MAP3K20: variants seen among roughly 807,000 people sequenced by gnomAD.
The protein encoded by MAP3K20 is HCCS-4.
A neutral mutation model predicts 85.7 loss-of-function variants in MAP3K20; 40 were observed. The observed-to-expected ratio is 0.47, with a 90% CI of 0.36 to 0.61. MAP3K20 has a LOEUF of 0.61. Among genes scored for constraint, MAP3K20 ranks in the 20% least tolerant of loss-of-function variants. The pLI is 0.00. For missense variants in MAP3K20, 817 were observed against 961.7 expected (o/e 0.85, Z 1.99); for synonymous variants, 325 against 327.7 (o/e 0.99, Z 0.09).
chr2:173,118,148 C>T (rs1809139), intron 2 of MAP3K20, among the ~76,000 whole-genome samples: 24,508 of 152,208 alleles, frequency 0.16, 2,394 homozygotes, highest in South Asian at 0.32. Context: ...AGATTAATTA[C>T]GTTTCATCTC....
intron 2 of MAP3K20, among the ~76,000 whole-genome samples, chr2:173,140,159 G>A (rs938899415): frequency 1.7e-4 from 26 of 151,994 alleles, no homozygotes; most frequent in African/African-American, 5.5e-4. Context: ...TTACAGGCGC[G>A]TGCCACCATG....
At chr2:173,233,609 G>C (rs1684578240) in intron 14 of MAP3K20, among the ~76,000 whole-genome samples, 1 of 152,120 alleles carries the variant, frequency 6.6e-6, no homozygotes, top group South Asian at 2.1e-4. Flanking sequence ...AGTGTGTATA[G>C]GTTAGAAAGA....
chr2:173,147,705 G>A (rs1689175835), intron 2 of MAP3K20, among the ~76,000 whole-genome samples: 1 of 152,092 alleles, frequency 6.6e-6, no homozygotes, highest in Admixed American at 6.5e-5. Context: ...TCCTGCCTCG[G>A]CCTCCTGAGT....
At chr2:173,226,779 TTAAAATTTTTGTAC>T in intron 11 of MAP3K20, 1 of 985,308 alleles carries the variant, frequency 1.0e-6, no homozygotes, top group Middle Eastern at 5.2e-4. Flanking sequence ...TTTTGCACTC[TTAAAATTTTTGTAC>T]TAAATAATAG....
At chr2:173,093,218 G>A (rs960874694) in intron 2 of MAP3K20, among the ~76,000 whole-genome samples, 1 of 152,180 alleles carries the variant, frequency 6.6e-6, no homozygotes, top group African/African-American at 2.4e-5. Context: ...TTCTGGCTAG[G>A]TGTTTTCTAA....
At position 173,258,793 on chromosome 2, in the gene MAP3K20, C is replaced by T. The variant is rs748593233; in HGVS notation, c.1454C>T (p.Ala485Val). The stretch of plus-strand genomic sequence containing the variant: ...ACATTCAACACTAACCTACCTGATG[C>T]GGAGATTTTAAAGATGACAAAGGTA... Reference protein sequence around the residue: ...DVTFNTNLPDAEILKMTKPPF... With the variant: ...DVTFNTNLPDVEILKMTKPPF... The change falls in exon 17 of 20, where the codon GCG becomes GTG. Residue 485 changes from alanine (A) to valine (V), a missense_variant. By Grantham distance (64) the Ala-to-Val change is moderately conservative (BLOSUM62 0). Around this residue, in one of 4 missense-constraint regions of MAP3K20, gnomAD observed 454 missense variants for 476.9 expected, o/e 0.95. Transcript: ENST00000375213. 22 of 1,608,074 alleles carry T rather than the reference C, an allele frequency of 1.4e-5. No individual in the cohort carries two copies. In the Admixed American group the frequency reaches 2.0e-4, roughly 15 times the overall value.
intron 2 of MAP3K20, among the ~76,000 whole-genome samples, chr2:173,129,749 T>C (rs1285860954): frequency 6.6e-6 from 1 of 152,216 alleles, no homozygotes; most frequent in Non-Finnish European, 1.5e-5. Context: ...TATCTATACT[T>C]GACCTATTAA....
chr2:173,227,707 CTTCT>C (rs1171384669), intron 11 of MAP3K20, among the ~76,000 whole-genome samples: 7 of 152,098 alleles, frequency 4.6e-5, no homozygotes, highest in East Asian at 3.8e-4. Flanking sequence ...CAAAAAAATA[CTTCT>C]TTCTCAATTT....
At chr2:173,091,641 A>G (rs1438517222) in intron 2 of MAP3K20, among the ~76,000 whole-genome samples, 5 of 152,114 alleles carry the variant, frequency 3.3e-5, no homozygotes, top group African/African-American at 1.2e-4. Flanking sequence ...TTTAACTGAA[A>G]TATGCAGTAC....
intron 2 of MAP3K20, among the ~76,000 whole-genome samples, chr2:173,157,717 A>G (rs556022906): frequency 6.6e-6 from 1 of 152,316 alleles, no homozygotes; most frequent in East Asian, 1.9e-4. Flanking sequence ...CTGCTGTGCA[A>G]TTAACTGGTT....
chr2:173,092,427 C>A (rs16861266), intron 2 of MAP3K20, among the ~76,000 whole-genome samples: 9,472 of 152,198 alleles, frequency 0.062, 966 homozygotes, highest in East Asian at 0.54. Flanking sequence ...TTTAGCTGAT[C>A]AATTCTTTAA....
chr2:173,209,757 C>T lies in MAP3K20; in HGVS notation c.773C>T (p.Ser258Leu), dbSNP rs767708772. The change falls in exon 10 of 20, where the codon TCA becomes TTA. Residue 258 changes from serine (S) to leucine (L), a missense_variant. By Grantham distance (145) the Ser-to-Leu change is moderately radical. Around this residue, in one of 4 missense-constraint regions of MAP3K20, gnomAD observed 158 missense variants for 162.0 expected, o/e 0.98. Coordinates refer to ENST00000375213, the MANE Select transcript of MAP3K20 (RefSeq NM_016653.3). ...KKRPSFKQII[S>L]ILESMSNDTS... ...CGGCCATCATTCAAGCAAATCATTTCAATCCTGGAGTCCATGTCAAATGAC... is the reference window on the plus strand; with the variant it reads ...CGGCCATCATTCAAGCAAATCATTTTAATCCTGGAGTCCATGTCAAATGAC... 1 of 1,609,590 alleles carries T rather than the reference C, an allele frequency of 6.2e-7. No individual in the cohort carries two copies. Among genetic ancestry groups the T allele is most frequent in the East Asian group, 2.2e-5 (1 of 44,872 alleles).
chr2:173,225,889 A>G (rs1475137614), intron 11 of MAP3K20: 1 of 982,248 alleles, frequency 1.0e-6, no homozygotes, highest in East Asian at 1.1e-4. Context: ...TCACTTTCCC[A>G]TTACACTGAT....
At chr2:173,158,917 C>T (rs1481042945) in intron 2 of MAP3K20, among the ~76,000 whole-genome samples, 1 of 152,206 alleles carries the variant, frequency 6.6e-6, no homozygotes, top group Non-Finnish European at 1.5e-5. Flanking sequence ...TACCTCCAAT[C>T]CATTTGTCAC....
chr2:173,253,871 C>A (rs765514036), intron 16 of MAP3K20, among the ~76,000 whole-genome samples: 9 of 151,272 alleles, frequency 5.9e-5, no homozygotes, highest in Non-Finnish European at 1.3e-4. Context: ...AGTTCCAGAC[C>A]AGCCTGGACA....
chr2:173,092,390 G>T (rs2106149483), intron 2 of MAP3K20, among the ~76,000 whole-genome samples: 1 of 152,300 alleles, frequency 6.6e-6, no homozygotes, highest in South Asian at 2.1e-4. Context: ...ATAAATCCAT[G>T]TCTTACCTTG....
At chr2:173,212,283 G>A (rs1683926266) in intron 10 of MAP3K20, 1 of 151,894 alleles carries the variant, frequency 6.6e-6, no homozygotes, top group South Asian at 2.1e-4. Context: ...GAGCTCTCCA[G>A]CCCGAGTGTC....
intron 2 of MAP3K20, among the ~76,000 whole-genome samples, chr2:173,153,949 C>T (rs540081294): frequency 1.2e-4 from 19 of 152,186 alleles, no homozygotes; most frequent in Middle Eastern, 3.4e-3. Flanking sequence ...GTTGAATCCA[C>T]GGATATGGAG....
chr2:173,242,210 T>C (rs1371423849), intron 16 of MAP3K20, among the ~76,000 whole-genome samples: 2 of 151,726 alleles, frequency 1.3e-5, no homozygotes, highest in Non-Finnish European at 2.9e-5. Flanking sequence ...AGTTTTGCTC[T>C]TGTTGCCCAG....
Sources: allele counts gnomAD v4.1 joint callset (sites outside exome capture counted in the v4.1 genomes callset), GRCh38; gene constraint gnomAD v4.1.1; regional missense constraint gnomAD v4.1.1; transcripts MANE v1.5; gene names NCBI Gene and HGNC (gene_info 2026-07-23, HGNC 2026-07-21).